SEMA3A: variants seen among roughly 807,000 people sequenced by gnomAD.
The protein encoded by SEMA3A is semaphorin 3A.
In SEMA3A, 29 loss-of-function variants were observed where a neutral mutation model predicts 97.9. The observed-to-expected ratio is 0.30, with a 90% CI of 0.22 to 0.40. SEMA3A has a LOEUF of 0.40. SEMA3A is among the 10% of genes least tolerant of loss of function. SEMA3A has a pLI of 1.00. For synonymous variants in SEMA3A, 321 were observed against 323.7 expected (o/e 0.99, Z 0.09); for missense variants, 763 against 951.3 (o/e 0.80, Z 2.60).
At position 84,073,122 on chromosome 7, in the gene SEMA3A, T is replaced by C. The variant is rs186686544; in HGVS notation, c.454-12564A>G. Among the ~76,000 whole-genome samples the C allele has an allele frequency of 3.3e-5, 5 of 152,296 alleles. No individual in the cohort carries two copies. The East Asian group carries it at 9.6e-4, about 29-fold the overall frequency. On this transcript the variant is annotated intron_variant, in intron 4 of 16. Transcript: ENST00000265362. ...ACTAAAACTATTTTATTTTAGAGTA[T>C]TCATAACACACTAAAATACTAGAAA... is the stretch of plus-strand genomic sequence containing the variant.
At chr7:84,137,209 G>A (rs772206115) in intron 1 of SEMA3A, among the ~76,000 whole-genome samples, 1 of 151,906 alleles carries the variant, frequency 6.6e-6, no homozygotes, top group Non-Finnish European at 1.5e-5. Flanking sequence ...GACCAACCTG[G>A]CCAACATGGT....
At chr7:84,358,410 T>C (rs180956876) in intron 2 of SEMA3A, among the ~76,000 whole-genome samples, 7 of 152,314 alleles carry the variant, frequency 4.6e-5, no homozygotes. Context: ...TCTCCATTGC[T>C]TGTTTTTGTC....
Position 84,469,793 on chromosome 7 carries a change from A to C in SEMA3A, c.-246+22667T>G, listed in dbSNP as rs138914655. ...GGTTTAATTACTAATGTAAAATGAG[A>C]TGTCTTCGTGATAAATCTATTGTAA... On this transcript the variant is annotated intron_variant, in intron 1 of 3. Transcript: ENST00000424555. 5.2e-3 allele frequency among the ~76,000 whole-genome samples: 784 copies of C among 152,166 alleles called. 8 individuals are homozygous for C. Among genetic ancestry groups the C allele is most frequent in the African/African-American group, 0.018 (743 of 41,564 alleles).
At chr7:84,261,011 T>C (rs935790634) in intron 3 of SEMA3A, among the ~76,000 whole-genome samples, 3 of 152,126 alleles carry the variant, frequency 2.0e-5, no homozygotes, top group Non-Finnish European at 4.4e-5. Flanking sequence ...ATTTCCTCCC[T>C]TTTGAAGCCC....
intron 3 of SEMA3A, among the ~76,000 whole-genome samples, chr7:84,207,905 T>C (rs545205758): frequency 3.9e-5 from 6 of 152,230 alleles, no homozygotes; most frequent in African/African-American, 1.2e-4. Flanking sequence ...AGTGAGGAGA[T>C]TGCAGTTATG....
intron 4 of SEMA3A, among the ~76,000 whole-genome samples, chr7:84,065,727 T>C (rs1173056984): frequency 2.0e-5 from 3 of 152,168 alleles, no homozygotes; most frequent in Admixed American, 6.5e-5. Flanking sequence ...CAGGAAGAAG[T>C]TGAATCTCTG....
chr7:84,003,339 A>T (rs1790536359), intron 11 of SEMA3A, among the ~76,000 whole-genome samples: 1 of 152,156 alleles, frequency 6.6e-6, no homozygotes, highest in Non-Finnish European at 1.5e-5. Context: ...ACCCAAACAC[A>T]ACTTTATCTC....
intron 1 of SEMA3A, among the ~76,000 whole-genome samples, chr7:84,443,918 A>C (rs1805338185): frequency 2.6e-5 from 3 of 113,420 alleles, no homozygotes; most frequent in East Asian, 2.4e-4. Flanking sequence ...ACAGAGTCTC[A>C]CTCTGTTGCC....
At chr7:84,044,359 C>T (rs992229277) in intron 6 of SEMA3A, among the ~76,000 whole-genome samples, 1 of 152,020 alleles carries the variant, frequency 6.6e-6, no homozygotes, top group East Asian at 1.9e-4. Flanking sequence ...TACCATGAGA[C>T]CCCGTCTATC....
chr7:84,389,502 G>A (rs1460022660), intron 1 of SEMA3A, among the ~76,000 whole-genome samples: 1 of 151,936 alleles, frequency 6.6e-6, no homozygotes, highest in Non-Finnish European at 1.5e-5. Context: ...CCTGGTTTCT[G>A]AGTAGTGTAG....
chr7:84,268,928 A>G (rs1435082290), intron 3 of SEMA3A, among the ~76,000 whole-genome samples: 13 of 152,138 alleles, frequency 8.5e-5, no homozygotes, highest in Admixed American at 8.5e-4. Context: ...GAGCCTGATC[A>G]ATGAGCAATT....
Position 83,960,060 on chromosome 7 carries a change from G to A in SEMA3A, c.*1311C>T, listed in dbSNP as rs1788407449. ...TGTACAAATAATTGTCTTAAATAAG[G>A]AAAGGTAAGAGGCACCTGATACAGA... On this transcript the variant is annotated 3_prime_UTR_variant, in exon 17 of 17. Coordinates refer to ENST00000265362, the MANE Select transcript of SEMA3A (RefSeq NM_006080.3). The A allele has an allele frequency of 6.6e-6, 1 of 152,016 alleles. No homozygotes were observed. 9.4% of individuals were successfully genotyped at this position (152,016 alleles called of 1,614,324 possible).
At chr7:84,479,749 G>A (rs1169011135) in intron 1 of SEMA3A, among the ~76,000 whole-genome samples, 1 of 152,026 alleles carries the variant, frequency 6.6e-6, no homozygotes, top group East Asian at 1.9e-4. Context: ...TCAATGACAC[G>A]ATGTACCATA....
intron 1 of SEMA3A, among the ~76,000 whole-genome samples, chr7:84,381,104 CCTTT>C (rs1803247090): frequency 6.6e-6 from 1 of 152,128 alleles, no homozygotes; most frequent in Non-Finnish European, 1.5e-5. Context: ...GAATAATTTT[CCTTT>C]CTTTCGTTCT....
At chr7:84,410,324 G>T (rs985510559) in intron 1 of SEMA3A, among the ~76,000 whole-genome samples, 1 of 151,598 alleles carries the variant, frequency 6.6e-6, no homozygotes, top group Admixed American at 6.6e-5. Context: ...TTCATCAGGG[G>T]GTCATTTTCT....
intron 3 of SEMA3A, among the ~76,000 whole-genome samples, chr7:84,277,039 T>G (rs1465466280): frequency 1.3e-5 from 2 of 152,142 alleles, no homozygotes; most frequent in African/African-American, 4.8e-5. Flanking sequence ...TGTGCTGCTT[T>G]GCCAAGTAGT....
At chr7:84,083,206 G>T (rs1228332189) in intron 4 of SEMA3A, among the ~76,000 whole-genome samples, 1 of 151,650 alleles carries the variant, frequency 6.6e-6, no homozygotes, top group African/African-American at 2.4e-5. Context: ...TGGTTTATTT[G>T]TACATATATA....
chr7:84,148,302 C>A (rs926769616), intron 1 of SEMA3A, among the ~76,000 whole-genome samples: 1 of 151,968 alleles, frequency 6.6e-6, no homozygotes, highest in African/African-American at 2.4e-5. Flanking sequence ...TGTCCTGCAC[C>A]TTTATCTAGA....
intron 1 of SEMA3A, among the ~76,000 whole-genome samples, chr7:84,415,891 T>A (rs1168567709): frequency 6.6e-6 from 1 of 152,106 alleles, no homozygotes; most frequent in Non-Finnish European, 1.5e-5. Flanking sequence ...AAGCTGTGTA[T>A]CATTGGCAAA....
Sources: allele counts gnomAD v4.1 joint callset (sites outside exome capture counted in the v4.1 genomes callset), GRCh38; gene constraint gnomAD v4.1.1; transcripts MANE v1.5; gene names NCBI Gene and HGNC (gene_info 2026-07-23, HGNC 2026-07-21).